The following FGF14 variants were observed in gnomAD, a reference collection of about 807,000 sequenced individuals.
The protein encoded by FGF14 is fibroblast growth factor 14.
Under a neutral mutation model 25.5 loss-of-function variants are expected in FGF14, and 5 were observed. The ratio of observed to expected loss-of-function variants is 0.20; its 90% CI spans 0.10 to 0.41. The LOEUF is 0.41. Among genes scored for constraint, FGF14 ranks in the 10% least tolerant of loss-of-function variants. FGF14 has a pLI of 1.00. For missense variants in FGF14, 222 were observed against 320.1 expected, an observed-to-expected ratio of 0.69 and a Z score of 2.34; for synonymous variants, 138 against 118.3, an observed-to-expected ratio of 1.17 and a Z score of -1.08.
chr13:101,965,392 G>A (rs1345874217), intron 1 of FGF14, among the ~76,000 whole-genome samples: 1 of 152,168 alleles, frequency 6.6e-6, no homozygotes, highest in Non-Finnish European at 1.5e-5. Flanking sequence ...TAACTTCACA[G>A]TCTGCTCACT....
At chr13:102,284,871 G>C (rs1415781154) in intron 1 of FGF14, among the ~76,000 whole-genome samples, 1 of 152,028 alleles carries the variant, frequency 6.6e-6, no homozygotes, top group East Asian at 1.9e-4. Context: ...CAATGTTTAA[G>C]TCTTAGCTCT....
intron 1 of FGF14, among the ~76,000 whole-genome samples, chr13:101,904,267 A>C (rs1276295220): frequency 6.6e-6 from 1 of 152,096 alleles, no homozygotes; most frequent in African/African-American, 2.4e-5. Flanking sequence ...TTTTTTGTGG[A>C]CCTTTGGGCT....
intron 1 of FGF14, among the ~76,000 whole-genome samples, chr13:101,940,966 A>T (rs759814700): frequency 1.3e-5 from 2 of 152,234 alleles, no homozygotes; most frequent in Non-Finnish European, 2.9e-5. Flanking sequence ...TTAAGAACAG[A>T]TAGAGTCTTT....
intron 3 of FGF14, among the ~76,000 whole-genome samples, chr13:101,764,021 G>A (rs1238585330): frequency 2.0e-5 from 3 of 152,088 alleles, no homozygotes; most frequent in African/African-American, 4.8e-5. Flanking sequence ...AAGTAAGAAA[G>A]TTAACCTCCC....
chr13:101,774,510 G>A (rs555452819), intron 3 of FGF14, among the ~76,000 whole-genome samples: 1 of 152,062 alleles, frequency 6.6e-6, no homozygotes, highest in Non-Finnish European at 1.5e-5. Flanking sequence ...TATTTAATAC[G>A]GCCAGAGGAA....
chr13:101,948,669 A>G (rs182060559), intron 1 of FGF14, among the ~76,000 whole-genome samples: 133 of 152,092 alleles, frequency 8.7e-4, no homozygotes, highest in African/African-American at 2.7e-3. Context: ...GCTTCCCAAT[A>G]CATAATGACA....
chr13:102,366,475 T>C (rs2057715929), intron 1 of FGF14: 1 of 152,170 alleles, frequency 6.6e-6, no homozygotes, highest in Admixed American at 6.5e-5. Flanking sequence ...ATTCAGGACA[T>C]GATGAAGCCT....
chr13:101,841,406 G>T (rs2043184875), intron 3 of FGF14, among the ~76,000 whole-genome samples: 1 of 151,796 alleles, frequency 6.6e-6, no homozygotes, highest in African/African-American at 2.4e-5. Flanking sequence ...TATCTAAACT[G>T]CTTAGCAAGT....
intron 1 of FGF14, among the ~76,000 whole-genome samples, chr13:102,120,326 C>T (rs1247577932): frequency 6.6e-6 from 1 of 152,206 alleles, no homozygotes; most frequent in Non-Finnish European, 1.5e-5. Flanking sequence ...GAAAGCTATA[C>T]TGATGAGAGT....
chr13:102,338,140 T>C (rs536482673), intron 1 of FGF14, among the ~76,000 whole-genome samples: 3 of 152,290 alleles, frequency 2.0e-5, no homozygotes, highest in African/African-American at 7.2e-5. Context: ...TACAAGGGAA[T>C]ATTTTGAAAG....
chr13:102,009,941 C>A (rs564713499), intron 1 of FGF14, among the ~76,000 whole-genome samples: 1 of 152,210 alleles, frequency 6.6e-6, no homozygotes, highest in East Asian at 1.9e-4. Flanking sequence ...TTCATAGAAA[C>A]CTTGCCAAGG....
At chr13:101,856,373 G>A (rs1461587666) in intron 3 of FGF14, among the ~76,000 whole-genome samples, 1 of 151,680 alleles carries the variant, frequency 6.6e-6, no homozygotes, top group Non-Finnish European at 1.5e-5. Context: ...AGAGTTATTC[G>A]ACTGGCAATA....
chr13:101,725,349 C>G (rs536613954), intron 4 of FGF14, among the ~76,000 whole-genome samples: 3 of 152,062 alleles, frequency 2.0e-5, no homozygotes, highest in South Asian at 4.1e-4. Flanking sequence ...CCACCATATA[C>G]TGAGAATAAT....
At chr13:101,904,982 G>A (rs2032053074) in intron 1 of FGF14, among the ~76,000 whole-genome samples, 1 of 152,176 alleles carries the variant, frequency 6.6e-6, no homozygotes, top group South Asian at 2.1e-4. Flanking sequence ...AAATCTTGTA[G>A]GAAAACTTCA....
chr13:101,747,245 G>A (rs1268280330), intron 3 of FGF14, among the ~76,000 whole-genome samples: 4 of 151,962 alleles, frequency 2.6e-5, no homozygotes, highest in East Asian at 1.9e-4. Flanking sequence ...GGGAAAAAAT[G>A]TCTTTCATCA....
chr13:101,829,700 A>G (rs1294305707), intron 3 of FGF14, among the ~76,000 whole-genome samples: 1 of 152,108 alleles, frequency 6.6e-6, no homozygotes, highest in African/African-American at 2.4e-5. Flanking sequence ...TTTCAGAAAT[A>G]ACTGCCTTGG....
At chr13:101,960,477 A>C (rs996954912) in intron 1 of FGF14, among the ~76,000 whole-genome samples, 6 of 152,138 alleles carry the variant, frequency 3.9e-5, no homozygotes, top group African/African-American at 1.4e-4. Context: ...TCTGCTGAGG[A>C]TAATGGCTTC....
At chr13:102,225,251 C>T (rs1566835963) in intron 1 of FGF14, among the ~76,000 whole-genome samples, 1 of 152,026 alleles carries the variant, frequency 6.6e-6, no homozygotes, top group African/African-American at 2.4e-5. Flanking sequence ...ATGGACAAGG[C>T]CTTGAACCCC....
chr13:102,366,732 A>T (rs1380952053), intron 1 of FGF14: 1 of 152,084 alleles, frequency 6.6e-6, no homozygotes, highest in Non-Finnish European at 1.5e-5. Context: ...TTCACAATGT[A>T]ATTTAAACTA....
Sources: gnomAD v4.1 joint callset for allele counts (sites outside exome capture counted in the v4.1 genomes callset) on GRCh38, gnomAD v4.1.1 for gene constraint, MANE v1.5 for transcripts, NCBI Gene and HGNC (gene_info 2026-07-23, HGNC 2026-07-21) for gene names.